Variants in UNC5D observed in about 807,000 individuals in gnomAD.
UNC5D encodes the protein unc-5 netrin receptor D.
Under a neutral mutation model 105.4 loss-of-function variants are expected in UNC5D, and 39 were observed. That is an observed-to-expected ratio of 0.37 (90% CI 0.29 to 0.48). UNC5D has a LOEUF of 0.48. Among genes scored for constraint, UNC5D ranks in the 20% least tolerant of loss-of-function variants. UNC5D has a pLI of 0.98. For missense variants in UNC5D, 991 were observed against 1,202.4 expected (o/e 0.82, Z 2.60); for synonymous variants, 452 against 450.4 (o/e 1.00, Z -0.04).
At chr8:35,717,145 C>A (rs557516212) in intron 8 of UNC5D, among the ~76,000 whole-genome samples, 1 of 152,236 alleles carries the variant, frequency 6.6e-6, no homozygotes, top group South Asian at 2.1e-4. Flanking sequence ...GTTTGTTTTT[C>A]TGAAATGGGA....
intron 4 of UNC5D, among the ~76,000 whole-genome samples, chr8:35,680,348 T>C (rs1191326073): frequency 6.6e-6 from 1 of 152,234 alleles, no homozygotes; most frequent in Non-Finnish European, 1.5e-5. Flanking sequence ...TTCTAACTTA[T>C]TAATTTTAGA....
At chr8:35,483,605 A>G (rs1810637486) in intron 1 of UNC5D, among the ~76,000 whole-genome samples, 1 of 152,174 alleles carries the variant, frequency 6.6e-6, no homozygotes, top group South Asian at 2.1e-4. Context: ...CCACTTCTAC[A>G]TAGTAGTATG....
At position 35,705,228 on chromosome 8, in the gene UNC5D, T is replaced by G. The variant is rs113620131; in HGVS notation, c.1085-701T>G. Among the ~76,000 whole-genome samples, 517 of 152,284 alleles carry G rather than the reference T, an allele frequency of 3.4e-3. 3 individuals are homozygous for G. Among genetic ancestry groups the G allele is most frequent in the African/African-American group, 0.012 (496 of 41,580 alleles). ...ATCCGCCCGCCTTGGCCTCCCAAAG[T>G]GCTGGGATTATAGGCGTGAGCCACC... On this transcript the variant is annotated intron_variant, in intron 7 of 16. Transcript: ENST00000404895.
At chr8:35,518,753 C>T (rs1813275608) in intron 1 of UNC5D, among the ~76,000 whole-genome samples, 1 of 152,126 alleles carries the variant, frequency 6.6e-6, no homozygotes. Flanking sequence ...GAATCCTTTA[C>T]AACATGGACT....
intron 4 of UNC5D, among the ~76,000 whole-genome samples, chr8:35,611,892 T>C (rs1820710245): frequency 6.6e-6 from 1 of 152,228 alleles, no homozygotes; most frequent in Non-Finnish European, 1.5e-5. Flanking sequence ...ATCCGACATT[T>C]TAATGGTTTT....
At chr8:35,475,860 A>C (rs1242638102) in intron 1 of UNC5D, among the ~76,000 whole-genome samples, 1 of 152,132 alleles carries the variant, frequency 6.6e-6, no homozygotes, top group African/African-American at 2.4e-5. Flanking sequence ...TCAGAGTAGA[A>C]TCATTTTTTT....
intron 13 of UNC5D, among the ~76,000 whole-genome samples, chr8:35,756,480 A>G (rs868265292): frequency 2.0e-5 from 3 of 152,024 alleles, no homozygotes; most frequent in South Asian, 4.2e-4. Flanking sequence ...CATCTTATAC[A>G]TATATCCTGC....
At chr8:35,704,413 A>G (rs1563686241) in intron 7 of UNC5D, among the ~76,000 whole-genome samples, 1 of 151,786 alleles carries the variant, frequency 6.6e-6, no homozygotes, top group African/African-American at 2.4e-5. Context: ...CTGCGTGGGA[A>G]GGGTGATGGT....
At chr8:35,487,102 G>C (rs1166388264) in intron 1 of UNC5D, among the ~76,000 whole-genome samples, 1 of 152,092 alleles carries the variant, frequency 6.6e-6, no homozygotes, top group Admixed American at 6.5e-5. Context: ...CTCTACTTAC[G>C]AGGAAAAAAT....
At chr8:35,430,929 A>G (rs1021841057) in intron 1 of UNC5D, among the ~76,000 whole-genome samples, 1 of 152,168 alleles carries the variant, frequency 6.6e-6, no homozygotes, top group Non-Finnish European at 1.5e-5. Flanking sequence ...CAAACACACT[A>G]CTTAAGTGCT....
intron 1 of UNC5D, among the ~76,000 whole-genome samples, chr8:35,311,872 C>T (rs1808913258): frequency 6.6e-6 from 1 of 152,106 alleles, no homozygotes; most frequent in African/African-American, 2.4e-5. Flanking sequence ...TGTGTTTTAA[C>T]CTGTGGTATT....
chr8:35,493,272 G>A (rs1585971750), intron 1 of UNC5D, among the ~76,000 whole-genome samples: 1 of 106,640 alleles, frequency 9.4e-6, no homozygotes, highest in Non-Finnish European at 1.7e-5. Context: ...CTTCAGTAAA[G>A]TCTGTGACCA....
At chr8:35,239,847 T>C (rs1468670133) in intron 1 of UNC5D, among the ~76,000 whole-genome samples, 1 of 152,230 alleles carries the variant, frequency 6.6e-6, no homozygotes, top group Admixed American at 6.5e-5. Context: ...TCACATATTC[T>C]ATGTAGAGAC....
chr8:35,754,513 G>GAGAT (rs1830428359), intron 13 of UNC5D, among the ~76,000 whole-genome samples: 1 of 152,170 alleles, frequency 6.6e-6, no homozygotes, highest in Non-Finnish European at 1.5e-5. Context: ...GTCTCACTGG[G>GAGAT]AGATTGTATC....
At chr8:35,633,436 GA>G (rs1378277066) in intron 4 of UNC5D, among the ~76,000 whole-genome samples, 3 of 151,718 alleles carry the variant, frequency 2.0e-5, no homozygotes, top group African/African-American at 4.9e-5. Flanking sequence ...TTTTATGTGA[GA>G]TTTTTTTTTA....
intron 2 of UNC5D, among the ~76,000 whole-genome samples, chr8:35,560,543 T>C (rs1816885008): frequency 6.6e-6 from 1 of 152,222 alleles, no homozygotes; most frequent in African/African-American, 2.4e-5. Flanking sequence ...AGAAAGAATG[T>C]ATTTAAAAAA....
chr8:35,693,265 T>C (rs1826530356), intron 7 of UNC5D, among the ~76,000 whole-genome samples: 1 of 152,204 alleles, frequency 6.6e-6, no homozygotes, highest in African/African-American at 2.4e-5. Flanking sequence ...TCAAGTGCCA[T>C]ATCCTGAGTG....
intron 4 of UNC5D, among the ~76,000 whole-genome samples, chr8:35,628,742 G>A (rs1821849952): frequency 6.6e-6 from 1 of 152,164 alleles, no homozygotes; most frequent in Non-Finnish European, 1.5e-5. Context: ...AAGCTTGTTA[G>A]CATAGACACT....
chr8:35,337,299 T>A (rs996815055), intron 1 of UNC5D, among the ~76,000 whole-genome samples: 3 of 152,216 alleles, frequency 2.0e-5, no homozygotes, highest in Non-Finnish European at 2.9e-5. Flanking sequence ...GTTGCAAATA[T>A]CTTTTCAATT....
Sources: gnomAD v4.1 joint callset for allele counts (sites outside exome capture counted in the v4.1 genomes callset) on GRCh38, gnomAD v4.1.1 for gene constraint, MANE v1.5 for transcripts, NCBI Gene and HGNC (gene_info 2026-07-23, HGNC 2026-07-21) for gene names.